NUP58: variants seen among roughly 807,000 people sequenced by gnomAD.
NUP58 encodes nucleoporin p58/p45.
In NUP58, 17 loss-of-function variants were observed where a neutral mutation model predicts 70.1. That is an observed-to-expected ratio of 0.24 (90% CI 0.17 to 0.36). The LOEUF is 0.36. NUP58 is among the 10% of genes least tolerant of loss of function. NUP58 has a pLI of 1.00. For missense variants in NUP58, 644 were observed against 701.5 expected (o/e 0.92, Z 0.93); for synonymous variants, 275 against 257.6 (o/e 1.07, Z -0.65).
chr13:25,302,213 G>C (rs954616179), intron 1 of NUP58, among the ~76,000 whole-genome samples: 10 of 152,228 alleles, frequency 6.6e-5, no homozygotes, highest in African/African-American at 2.4e-4. Flanking sequence ...GTCAGTCTTA[G>C]GCATAGAATG....
intron 9 of NUP58, among the ~76,000 whole-genome samples, chr13:25,323,952 G>C (rs952172982): frequency 6.6e-6 from 1 of 152,126 alleles, no homozygotes; most frequent in African/African-American, 2.4e-5. Flanking sequence ...GGCCTCAAGT[G>C]GGCATTTTTA....
chr13:25,303,159 A>G, intron 1 of NUP58: 1 of 449,126 alleles, frequency 2.2e-6, no homozygotes, highest in South Asian at 1.6e-5. Flanking sequence ...AGCCAGAGTA[A>G]TTGAAAAACA....
intron 1 of NUP58, among the ~76,000 whole-genome samples, chr13:25,304,777 A>G (rs1267355387): frequency 6.6e-6 from 1 of 151,480 alleles, no homozygotes; most frequent in Non-Finnish European, 1.5e-5. Flanking sequence ...TGATCCATCC[A>G]CCTTGGCATC....
intron 1 of NUP58, among the ~76,000 whole-genome samples, chr13:25,306,487 GCA>G (rs2137715351): frequency 6.6e-6 from 1 of 152,084 alleles, no homozygotes; most frequent in Admixed American, 6.6e-5. Flanking sequence ...TTAAGTAATG[GCA>G]CACAAGTACC....
At position 25,302,205 on chromosome 13, in the gene NUP58, C is replaced by T. The variant is rs537366970; in HGVS notation, c.107+325C>T. ...CTACCCCGGAGCTTTAGCGATGTGT[C>T]AGTCTTAGGCATAGAATGAACATTG... On this transcript the variant is annotated intron_variant, in intron 1 of 15. Coordinates refer to ENST00000381736, the MANE Select transcript of NUP58 (RefSeq NM_014089.4). Among the ~76,000 whole-genome samples, 65 of 152,354 alleles carry T rather than the reference C, an allele frequency of 4.3e-4. 1 individual carries two copies. The South Asian group carries it at 0.013, about 30-fold the overall frequency.
chr13:25,346,718 C>CT (rs1239574223), downstream of NUP58, among the ~76,000 whole-genome samples: 1 of 138,506 alleles, frequency 7.2e-6, no homozygotes, highest in Non-Finnish European at 1.5e-5. Flanking sequence ...AAAACTCCAT[C>CT]TAAAAAAAAA....
At chr13:25,333,243 A>G (rs2031671816) in intron 13 of NUP58, 2 of 985,260 alleles carry the variant, frequency 2.0e-6, no homozygotes. Context: ...CATTCTCTAA[A>G]TGAGTGCCTA....
chr13:25,324,649 A>T (rs913746287), intron 9 of NUP58, among the ~76,000 whole-genome samples: 3 of 147,156 alleles, frequency 2.0e-5, no homozygotes, highest in African/African-American at 2.5e-5. Context: ...CCTGCCTTTT[A>T]AAAAAAAAAA....
chr13:25,325,665 A>C (rs1373825517), intron 10 of NUP58, among the ~76,000 whole-genome samples: 1 of 152,162 alleles, frequency 6.6e-6, no homozygotes, highest in Non-Finnish European at 1.5e-5. Context: ...AGTTTTAGCG[A>C]TAAAGAGACT....
chr13:25,326,807 C>T, intron 10 of NUP58, 109 bp from the exon 11 acceptor site: 1 of 538,938 alleles, frequency 1.9e-6, no homozygotes, highest in East Asian at 3.1e-5. Context: ...CCTTGGATAA[C>T]CTTGATACTT....
At chr13:25,309,434 T>TA (rs2137726941) in intron 3 of NUP58, 152 bp downstream of exon 3, 2 of 577,260 alleles carry the variant, frequency 3.5e-6, no homozygotes, top group Non-Finnish European at 3.0e-6. Context: ...TCGGAGAACC[T>TA]TTCAGTATTT....
chr13:25,329,495 T>C (rs2031527086), intron 12 of NUP58, among the ~76,000 whole-genome samples: 1 of 152,172 alleles, frequency 6.6e-6, no homozygotes, highest in Non-Finnish European at 1.5e-5. Context: ...ATAAACGTTG[T>C]AGACATGAAA....
intron 9 of NUP58, among the ~76,000 whole-genome samples, chr13:25,323,311 C>T (rs796413083): frequency 7.9e-5 from 12 of 151,930 alleles, no homozygotes; most frequent in African/African-American, 2.9e-4. Flanking sequence ...AGCAGACCAC[C>T]ATGGCACACG....
intron 9 of NUP58, among the ~76,000 whole-genome samples, chr13:25,323,013 C>G (rs2031249870): frequency 6.6e-6 from 1 of 152,074 alleles, no homozygotes; most frequent in Admixed American, 6.6e-5. Flanking sequence ...TAATGGGACC[C>G]ATTTTAACTC....
chr13:25,324,197 GA>G (rs1419583513), intron 9 of NUP58, among the ~76,000 whole-genome samples: 1 of 152,112 alleles, frequency 6.6e-6, no homozygotes, highest in African/African-American at 2.4e-5. Context: ...AAAGGATGTA[GA>G]AAAAACAGTC....
At position 25,334,251 on chromosome 13, in the gene NUP58, T is replaced by C. The variant is rs149330348; in HGVS notation, c.1436-2685T>C. On this transcript the variant is annotated intron_variant, in intron 13 of 15. Transcript: ENST00000381736. ...AGCCTCCTGAAAAACTGAAGACATT[T>C]ACATTAGGCTTTTCAGTATAATTTT... 7.4e-3 allele frequency: 7,285 copies of C among 985,348 alleles called. 29 individuals are homozygous for C. The highest frequency in any genetic ancestry group is 7.5e-3 in the Non-Finnish European group (6,265 of 829,842). 61.0% of individuals were successfully genotyped at this position (985,348 alleles called of 1,614,324 possible).
At chr13:25,302,658 G>C (rs953703748) in intron 1 of NUP58, among the ~76,000 whole-genome samples, 1 of 152,114 alleles carries the variant, frequency 6.6e-6, no homozygotes, top group Non-Finnish European at 1.5e-5. Flanking sequence ...TTTTTTTTAA[G>C]ATAAAGGTGG....
chr13:25,321,730 A>C (rs1019614182), intron 9 of NUP58, among the ~76,000 whole-genome samples: 1 of 152,184 alleles, frequency 6.6e-6, no homozygotes, highest in Non-Finnish European at 1.5e-5. Flanking sequence ...CAGTCTGACC[A>C]ACATGCTGAA....
At chr13:25,344,137 T>A (rs537064762), downstream of NUP58, among the ~76,000 whole-genome samples, 101 of 152,310 alleles carry the variant, frequency 6.6e-4, no homozygotes, top group African/African-American at 2.3e-3. Context: ...ATTTGTATGT[T>A]AATGTAATTG....
Sources: gnomAD v4.1 joint callset for allele counts (sites outside exome capture counted in the v4.1 genomes callset) on GRCh38, gnomAD v4.1.1 for gene constraint, MANE v1.5 for transcripts, NCBI Gene and HGNC (gene_info 2026-07-23, HGNC 2026-07-21) for gene names.